Variants in WWTR1 observed in about 807,000 individuals in gnomAD.
WWTR1 encodes WW domain containing transcription regulator 1, also known as WW domain-containing transcription regulator protein 1.
A neutral mutation model predicts 40.1 loss-of-function variants in WWTR1; 13 were observed. The observed-to-expected ratio is 0.32, with a 90% CI of 0.21 to 0.52. The LOEUF is 0.52. WWTR1 is among the 20% of genes least tolerant of loss of function. The pLI is 0.97. For missense variants in WWTR1, 436 were observed against 523.1 expected (o/e 0.83, Z 1.63); for synonymous variants, 230 against 210.1 (o/e 1.09, Z -0.82).
At chr3:149,561,209 G>C (rs1278746758) in intron 3 of WWTR1, among the ~76,000 whole-genome samples, 1 of 152,092 alleles carries the variant, frequency 6.6e-6, no homozygotes, top group Non-Finnish European at 1.5e-5. Context: ...AGAAGAATTG[G>C]TTAAATAAAT....
At chr3:149,682,707 A>G (rs1022531930) in intron 1 of WWTR1, among the ~76,000 whole-genome samples, 8 of 152,246 alleles carry the variant, frequency 5.3e-5, no homozygotes, top group Admixed American at 3.9e-4. Flanking sequence ...TTCAAAAAGT[A>G]TAGTCTACTT....
intron 5 of WWTR1, among the ~76,000 whole-genome samples, chr3:149,710,491 T>C (rs892311573): frequency 4.0e-5 from 6 of 151,442 alleles, no homozygotes; most frequent in South Asian, 2.1e-4. Context: ...AGTTTAATTA[T>C]ACTACTTATA....
chr3:149,697,375 G>C (rs1274504876), intron 1 of WWTR1, among the ~76,000 whole-genome samples: 1 of 151,898 alleles, frequency 6.6e-6, no homozygotes, highest in Non-Finnish European at 1.5e-5. Flanking sequence ...CATCACCCAG[G>C]GGATGATGCT....
chr3:149,681,985 C>A (rs1714471013), intron 1 of WWTR1, among the ~76,000 whole-genome samples: 1 of 152,102 alleles, frequency 6.6e-6, no homozygotes, highest in Non-Finnish European at 1.5e-5. Flanking sequence ...CTATAGTTGA[C>A]AATATGGTAT....
chr3:149,593,939 C>T (rs1052037511), intron 2 of WWTR1, among the ~76,000 whole-genome samples: 1 of 152,130 alleles, frequency 6.6e-6, no homozygotes, highest in African/African-American at 2.4e-5. Flanking sequence ...GGCAAATGAA[C>T]CCATGACGCT....
rs1735870129 is a variant in WWTR1 at position 149,536,979 on chromosome 3, ACT to A, written c.771+5354_771+5355del. Among the ~76,000 whole-genome samples the A allele has an allele frequency of 2.0e-5, 3 of 151,910 alleles. No individual in the cohort carries two copies. The South Asian group carries it at 6.2e-4, about 32-fold the overall frequency. Reference sequence around the variant, plus strand: ...ATGAATAACACACATGAAAAGAAATACTCTCTTCAGGTAAAGCCATATGCCTG... The same window carrying A: ...ATGAATAACACACATGAAAAGAAATACTCTTCAGGTAAAGCCATATGCCTG... On this transcript the variant is annotated intron_variant, in intron 4 of 6. Transcript: ENST00000360632.
intron 4 of WWTR1, among the ~76,000 whole-genome samples, chr3:149,535,807 G>A (rs1735802893): frequency 6.6e-6 from 1 of 151,980 alleles, no homozygotes; most frequent in East Asian, 1.9e-4. Flanking sequence ...GAGGCCAGGA[G>A]TTCGAGACCA....
intron 2 of WWTR1, among the ~76,000 whole-genome samples, chr3:149,652,845 A>T (rs896585415): frequency 1.3e-5 from 2 of 151,998 alleles, no homozygotes; most frequent in African/African-American, 4.8e-5. Context: ...TTAAGAAGGT[A>T]ACAATCTAAG....
Position 149,701,481 on chromosome 3 carries a change from T to C in WWTR1, c.-108+1643A>G, listed in dbSNP as rs7652684. On this transcript the variant is annotated intron_variant, in intron 1 of 7. Coordinates refer to the WWTR1 transcript ENST00000465804. ...CACCGGCAGCTCCAGTATCCCAAAC[T>C]TTCTAGTCCTGCTGATCCTCCCAGC... 6.6e-3 allele frequency: 1,210 copies of C among 184,200 alleles called. 18 individuals carry two copies. The highest frequency in any genetic ancestry group is 0.027 in the African/African-American group (1,155 of 42,624). 11.4% of individuals were successfully genotyped at this position (184,200 alleles called of 1,614,324 possible).
At chr3:149,593,762 T>C (rs1738844489) in intron 2 of WWTR1, among the ~76,000 whole-genome samples, 1 of 152,250 alleles carries the variant, frequency 6.6e-6, no homozygotes, top group Non-Finnish European at 1.5e-5. Flanking sequence ...GAAACCATTA[T>C]GTAAAACATT....
At chr3:149,590,435 A>T (rs1161054088) in intron 2 of WWTR1, among the ~76,000 whole-genome samples, 2 of 152,146 alleles carry the variant, frequency 1.3e-5, no homozygotes, top group African/African-American at 4.8e-5. Context: ...GGGTCACCTG[A>T]GGTCAGGAGT....
At chr3:149,665,223 C>CTT (rs1410474374) in intron 2 of WWTR1, among the ~76,000 whole-genome samples, 1 of 102,196 alleles carries the variant, frequency 9.8e-6, no homozygotes, top group Non-Finnish European at 2.0e-5. Flanking sequence ...AATTTCCTTT[C>CTT]TTTCTTTTTT....
Position 149,657,309 on chromosome 3 carries a change from T to C in WWTR1, c.-3A>G, listed in dbSNP as rs201512681. 2.4e-4 allele frequency: 391 copies of C among 1,607,540 alleles called. 2 individuals carry two copies. Among genetic ancestry groups the C allele is most frequent in the Non-Finnish European group, 3.2e-4 (372 of 1,177,090 alleles). On this transcript the variant is annotated splice_region_variant and 5_prime_UTR_variant, in exon 2 of 7. Coordinates refer to ENST00000360632, the MANE Select transcript of WWTR1 (RefSeq NM_015472.6). ...GGGGGCGCCGAGGCCGGATTCATCT[T>C]CTGCAAAAAGAAGGTCAGATCAGCC...
chr3:149,577,242 G>T (rs1221543882), intron 2 of WWTR1, among the ~76,000 whole-genome samples: 1 of 152,078 alleles, frequency 6.6e-6, no homozygotes, highest in African/African-American at 2.4e-5. Flanking sequence ...CTCAAATCAG[G>T]GGACAAATGG....
chr3:149,620,569 C>CA (rs970233468), intron 2 of WWTR1, among the ~76,000 whole-genome samples: 5 of 150,440 alleles, frequency 3.3e-5, no homozygotes, highest in African/African-American at 1.2e-4. Flanking sequence ...ACCGCTCCCC[C>CA]CCACACACAC....
intron 4 of WWTR1, among the ~76,000 whole-genome samples, chr3:149,535,534 C>T (rs935124688): frequency 3.3e-5 from 5 of 152,074 alleles, no homozygotes; most frequent in East Asian, 1.9e-4. Context: ...ATCGAAACTG[C>T]GATACTTTTA....
chr3:149,604,341 C>A (rs1388615683), intron 2 of WWTR1, among the ~76,000 whole-genome samples: 1 of 152,154 alleles, frequency 6.6e-6, no homozygotes, highest in Non-Finnish European at 1.5e-5. Flanking sequence ...GGAGCTTGCA[C>A]AGGACTTTAA....
chr3:149,618,723 C>T (rs1011579625), intron 2 of WWTR1, among the ~76,000 whole-genome samples: 2 of 152,148 alleles, frequency 1.3e-5, no homozygotes, highest in African/African-American at 4.8e-5. Context: ...GAGACTTGAA[C>T]ACAGCTCTAT....
At chr3:149,711,734 C>T (rs1169873170) in intron 5 of WWTR1, among the ~76,000 whole-genome samples, 1 of 152,320 alleles carries the variant, frequency 6.6e-6, no homozygotes, top group Non-Finnish European at 1.5e-5. Context: ...ACATTTTCTT[C>T]TCTTGGCTTC....
Sources: allele counts gnomAD v4.1 joint callset (sites outside exome capture counted in the v4.1 genomes callset), GRCh38; gene constraint gnomAD v4.1.1; transcripts MANE v1.5; gene names NCBI Gene and HGNC (gene_info 2026-07-23, HGNC 2026-07-21).